CCDC178: variants seen among roughly 807,000 people sequenced by gnomAD.
CCDC178 encodes the protein coiled-coil domain containing 178.
A neutral mutation model predicts 117.4 loss-of-function variants in CCDC178; 126 were observed. That is an observed-to-expected ratio of 1.07 (90% confidence interval 0.93 to 1.24). The LOEUF (loss-of-function observed/expected upper bound fraction) is 1.24, where lower values mean the gene tolerates loss of function less well. CCDC178 is among the 50% of genes most tolerant of loss of function. The pLI is 0.00. For missense variants in CCDC178, 1,030 were observed against 986.9 expected (o/e 1.04, Z -0.59); for synonymous variants, 283 against 313.4 (o/e 0.90, Z 1.02).
intron 20 of CCDC178, among the ~76,000 whole-genome samples, chr18:33,153,637 A>T (rs963097171): frequency 1.3e-5 from 2 of 152,140 alleles, no homozygotes; most frequent in Admixed American, 6.5e-5. Context: ...AGGCATTACA[A>T]AGAATTTTGT....
intron 20 of CCDC178, among the ~76,000 whole-genome samples, chr18:33,159,125 G>A (rs191678455): frequency 3.9e-5 from 6 of 152,092 alleles, no homozygotes; most frequent in African/African-American, 1.2e-4. Context: ...TTTATTATGG[G>A]TCACAGTTAT....
intron 5 of CCDC178, among the ~76,000 whole-genome samples, chr18:33,376,910 C>T (rs901879950): frequency 1.3e-5 from 2 of 152,298 alleles, no homozygotes; most frequent in East Asian, 3.9e-4. Context: ...CTGTGATGAA[C>T]AAATGAGTGC....
chr18:33,377,241 T>C (rs902291381), intron 5 of CCDC178, among the ~76,000 whole-genome samples: 2 of 150,156 alleles, frequency 1.3e-5, no homozygotes, highest in African/African-American at 2.4e-5. Flanking sequence ...TGGCCATGTG[T>C]ATGTTTTCTT....
At chr18:33,317,459 G>A (rs928665965) in intron 11 of CCDC178, among the ~76,000 whole-genome samples, 9 of 152,216 alleles carry the variant, frequency 5.9e-5, no homozygotes, top group Middle Eastern at 6.8e-3. Flanking sequence ...AAGTGTCCGC[G>A]GCTTCATTCT....
At chr18:33,001,202 C>T (rs954283264) in intron 21 of CCDC178, among the ~76,000 whole-genome samples, 32 of 152,010 alleles carry the variant, frequency 2.1e-4, no homozygotes, top group African/African-American at 7.0e-4. Context: ...AACCTCAAAT[C>T]GAAAAACATA....
intron 21 of CCDC178, among the ~76,000 whole-genome samples, chr18:33,039,197 G>A (rs1435560658): frequency 6.6e-6 from 1 of 151,948 alleles, no homozygotes; most frequent in East Asian, 1.9e-4. Context: ...ATGGGCTGAG[G>A]TGATATTGAG....
intron 21 of CCDC178, among the ~76,000 whole-genome samples, chr18:32,996,732 C>G (rs1477128497): frequency 1.3e-5 from 2 of 151,634 alleles, no homozygotes; most frequent in Non-Finnish European, 2.9e-5. Context: ...CACAAAATAA[C>G]AGAATAAATA....
At chr18:33,041,422 A>G (rs1221914811) in intron 21 of CCDC178, among the ~76,000 whole-genome samples, 2 of 150,606 alleles carry the variant, frequency 1.3e-5, no homozygotes, top group South Asian at 2.1e-4. Flanking sequence ...AACATTTTAT[A>G]TAATGTATAA....
Position 33,389,540 on chromosome 18 carries a change from C to T in CCDC178, c.208G>A (p.Gly70Arg), listed in dbSNP as rs766878727. 6.8e-7 allele frequency: 1 copy of T among 1,469,176 alleles called. No homozygotes were observed. Among genetic ancestry groups the T allele is most frequent in the African/African-American group, 1.4e-5 (1 of 69,706 alleles). The allele number at this position is 1,469,176 out of a possible 1,614,324, so 91.0% of individuals were successfully genotyped here. A position where few individuals can be genotyped will look rare whatever the true frequency, so the allele number is the denominator to read the frequency against. The change falls in exon 5 of 23, where the codon GGG becomes AGG. Residue 70 changes from glycine to arginine, a missense_variant and splice_region_variant. Physicochemically the swap from Gly to Arg is moderately radical, Grantham distance 125 (BLOSUM62 -2). Coordinates refer to ENST00000383096, the MANE Select transcript of CCDC178 (RefSeq NM_001105528.4). Reference protein sequence around the residue: ...FHESKMTNTEGVNKGIYFSYP... With the variant: ...FHESKMTNTERVNKGIYFSYP... Reference sequence around the variant, plus strand: ...TATATGATTTACATTCAGTCCTCACCTTCAGTATTTGTCATTTTACTTTCA... The same window carrying T: ...TATATGATTTACATTCAGTCCTCACTTTCAGTATTTGTCATTTTACTTTCA...
intron 21 of CCDC178, among the ~76,000 whole-genome samples, chr18:33,032,254 A>G (rs1332721412): frequency 6.6e-6 from 1 of 152,114 alleles, no homozygotes. Flanking sequence ...CTAGTCCCAG[A>G]GTTTGCTCCT....
chr18:33,230,484 TA>T (rs1216892179), intron 15 of CCDC178, among the ~76,000 whole-genome samples: 1 of 152,160 alleles, frequency 6.6e-6, no homozygotes, highest in African/African-American at 2.4e-5. Flanking sequence ...CTTTGTCTGT[TA>T]TATAATATTT....
chr18:32,952,599 G>A (rs1264571574), intron 22 of CCDC178, among the ~76,000 whole-genome samples: 1 of 152,150 alleles, frequency 6.6e-6, no homozygotes, highest in African/African-American at 2.4e-5. Flanking sequence ...GCCTGTGACG[G>A]GAGGGGCTGC....
chr18:32,962,495 T>G (rs2054724414), intron 22 of CCDC178, among the ~76,000 whole-genome samples: 1 of 152,098 alleles, frequency 6.6e-6, no homozygotes, highest in Admixed American at 6.6e-5. Flanking sequence ...TGTTTTGCCT[T>G]TAATTTTGAA....
chr18:33,274,794 G>A (rs2059928224), intron 12 of CCDC178, among the ~76,000 whole-genome samples: 1 of 151,962 alleles, frequency 6.6e-6, no homozygotes. Context: ...TTAATGATTT[G>A]CACCACTATG....
chr18:33,080,232 G>A (rs1276954350), intron 21 of CCDC178, among the ~76,000 whole-genome samples: 1 of 152,168 alleles, frequency 6.6e-6, no homozygotes, highest in Non-Finnish European at 1.5e-5. Flanking sequence ...ATGAGAACTC[G>A]TGGACACAAG....
At chr18:33,063,848 C>T (rs2056969867) in intron 21 of CCDC178, among the ~76,000 whole-genome samples, 1 of 152,220 alleles carries the variant, frequency 6.6e-6, no homozygotes, top group African/African-American at 2.4e-5. Flanking sequence ...CTGGCATTCA[C>T]ATTTTCAGCA....
chr18:33,264,413 A>C (rs941298618), intron 14 of CCDC178, among the ~76,000 whole-genome samples: 1 of 152,028 alleles, frequency 6.6e-6, no homozygotes, highest in Non-Finnish European at 1.5e-5. Context: ...TCTTGCCTGC[A>C]AATCTCTTAA....
At chr18:32,939,423 T>A (rs2054190948) in intron 22 of CCDC178, among the ~76,000 whole-genome samples, 1 of 152,090 alleles carries the variant, frequency 6.6e-6, no homozygotes, top group Admixed American at 6.5e-5. Flanking sequence ...GATTTCATAA[T>A]TGGATTCAGT....
intron 14 of CCDC178, 39 bp downstream of exon 14, chr18:33,266,877 G>T (rs2059822852): frequency 1.4e-6 from 2 of 1,459,546 alleles, no homozygotes; most frequent in Non-Finnish European, 1.9e-6. Context: ...TAACATATTG[G>T]ATTATGGTAT....
Sources: gnomAD v4.1 joint callset for allele counts (sites outside exome capture counted in the v4.1 genomes callset) on GRCh38, gnomAD v4.1.1 for gene constraint, MANE v1.5 for transcripts, NCBI Gene and HGNC (gene_info 2026-07-23, HGNC 2026-07-21) for gene names.